Variants in PNKD observed in about 807,000 individuals in gnomAD.
PNKD encodes PNKD metallo-beta-lactamase domain containing.
Under a neutral mutation model 45.3 loss-of-function variants are expected in PNKD, and 36 were observed. The observed-to-expected ratio is 0.80, with a 90% confidence interval of 0.61 to 1.05. The LOEUF is 1.05. Among genes scored for constraint, PNKD ranks in the 50% least tolerant of loss-of-function variants. The pLI is 0.00. For synonymous variants in PNKD, 197 were observed against 210.1 expected (o/e 0.94, Z 0.54); for missense variants, 511 against 506.6 (o/e 1.01, Z -0.08).
chr2:218,316,703 A>G (rs1175047888), intron 2 of PNKD: 3 of 152,184 alleles, frequency 2.0e-5, no homozygotes, highest in Admixed American at 2.0e-4. Flanking sequence ...AAAGGAAATG[A>G]CGTTGGGGCT....
At chr2:218,304,945 C>T (rs551460048) in intron 2 of PNKD, among the ~76,000 whole-genome samples, 1 of 152,148 alleles carries the variant, frequency 6.6e-6, no homozygotes, top group African/African-American at 2.4e-5. Context: ...TGGTGGCGGG[C>T]ACCTGTAGTC....
Position 218,344,985 on chromosome 2 carries a change from C to A in PNKD, c.*4C>A. ...GGATATGCACAAGAGCAAGTGATGCCCCCAGCGCCCCCAGCCCAGCCCACT... is the reference window on the plus strand; with the variant it reads ...GGATATGCACAAGAGCAAGTGATGCACCCAGCGCCCCCAGCCCAGCCCACT... On this transcript the variant is annotated 3_prime_UTR_variant, in exon 10 of 10. Transcript: ENST00000273077. 6.2e-7 allele frequency: 1 copy of A among 1,608,112 alleles called. No individual in the cohort carries two copies.
chr2:218,285,017 G>A (rs56109829), intron 2 of PNKD, among the ~76,000 whole-genome samples: 70,028 of 152,062 alleles, frequency 0.46, 18,313 homozygotes, highest in South Asian at 0.63. Context: ...TTCAACCTGG[G>A]AGGCGGAGAT....
chr2:218,281,221 C>A (rs1460939719), intron 2 of PNKD, among the ~76,000 whole-genome samples: 1 of 148,118 alleles, frequency 6.8e-6, no homozygotes, highest in Non-Finnish European at 1.5e-5. Flanking sequence ...GCAACCTCCA[C>A]CTCCTGGGAT....
intron 2 of PNKD, among the ~76,000 whole-genome samples, chr2:218,321,623 CTTTTTTT>C (rs35315674): frequency 2.1e-5 from 2 of 93,830 alleles, no homozygotes; most frequent in Non-Finnish European, 4.1e-5. Context: ...GTGAGCTTGA[CTTTTTTT>C]TTTTTTTTTT....
At chr2:218,275,081 G>A (rs1691062185) in intron 2 of PNKD, 1 of 159,658 alleles carries the variant, frequency 6.3e-6, no homozygotes, top group South Asian at 2.0e-4. Context: ...AGAAGCCTGT[G>A]ACAGAGGTGG....
At chr2:218,318,830 AAT>A (rs1693891086) in intron 2 of PNKD, among the ~76,000 whole-genome samples, 2 of 152,124 alleles carry the variant, frequency 1.3e-5, no homozygotes, top group African/African-American at 4.8e-5. Context: ...TAATATTAGT[AAT>A]AGAGTAGAGA....
intron 2 of PNKD, among the ~76,000 whole-genome samples, chr2:218,276,647 G>A (rs1012581668): frequency 6.7e-6 from 1 of 148,418 alleles, no homozygotes; most frequent in East Asian, 2.0e-4. Flanking sequence ...AGAGACCCCC[G>A]CAAGGTCCCT....
At chr2:218,271,913 T>C (rs1236360785) in intron 2 of PNKD, among the ~76,000 whole-genome samples, 2 of 152,220 alleles carry the variant, frequency 1.3e-5, no homozygotes, top group Non-Finnish European at 1.5e-5. Context: ...AACATTGTGA[T>C]TGGGCTCTGA....
chr2:218,340,011 G>T lies in PNKD; in HGVS notation c.353-18G>T. The stretch of plus-strand genomic sequence containing the variant: ...CTCCCTGCCTGTTACCCCGCCCACA[G>T]CCCATCTCTGTCCCCAGGAGTGAAG... On this transcript the variant is annotated intron_variant, in intron 3 of 9. Coordinates refer to ENST00000273077, the MANE Select transcript of PNKD (RefSeq NM_015488.5). The surrounding 1 kb of genome is among the most constrained non-coding windows in gnomAD (Gnocchi z 4.2). 6.4e-7 allele frequency: 1 copy of T among 1,571,522 alleles called. No homozygotes were observed. Among genetic ancestry groups the T allele is most frequent in the Non-Finnish European group, 8.8e-7 (1 of 1,141,386 alleles).
chr2:218,299,847 C>A (rs1295906578), intron 2 of PNKD, among the ~76,000 whole-genome samples: 1 of 152,064 alleles, frequency 6.6e-6, no homozygotes, highest in East Asian at 1.9e-4. Context: ...TCTCGAACTC[C>A]TGACCTCAGG....
chr2:218,281,384 G>GC (rs1315831045), intron 2 of PNKD, among the ~76,000 whole-genome samples: 1 of 151,704 alleles, frequency 6.6e-6, no homozygotes, highest in Non-Finnish European at 1.5e-5. Context: ...TGATCTGCTC[G>GC]CCTCAGCCTC....
chr2:218,339,654 TGA>T, intron 2 of PNKD, 127 bp from the exon 3 acceptor site: 2 of 711,486 alleles, frequency 2.8e-6, no homozygotes, highest in South Asian at 1.5e-5. Context: ...ACATAATAAG[TGA>T]GAGTGGAATT....
chr2:218,338,224 G>A (rs1694557809), intron 2 of PNKD, among the ~76,000 whole-genome samples: 1 of 151,856 alleles, frequency 6.6e-6, no homozygotes, highest in Non-Finnish European at 1.5e-5. Flanking sequence ...ACTTTGAAAG[G>A]CCGAGGCAGG....
intron 2 of PNKD, among the ~76,000 whole-genome samples, chr2:218,272,228 C>T (rs1690866613): frequency 6.6e-6 from 1 of 151,844 alleles, no homozygotes; most frequent in African/African-American, 2.4e-5. Context: ...TCAGGGCTGC[C>T]TGGAAAATCC....
chr2:218,277,647 C>A, intron 2 of PNKD: 1 of 1,614,116 alleles, frequency 6.2e-7, no homozygotes, highest in Non-Finnish European at 8.5e-7. Context: ...AAATGGTGCC[C>A]GTCATGAAGC....
intron 2 of PNKD, among the ~76,000 whole-genome samples, chr2:218,281,737 G>A (rs77010107): frequency 3.3e-5 from 5 of 152,204 alleles, no homozygotes; most frequent in Non-Finnish European, 4.4e-5. Flanking sequence ...TTGAACAAAG[G>A]GGGCAGCAAG....
At position 218,344,807 on chromosome 2, in the gene PNKD, G is replaced by A. The variant is rs1694783221; in HGVS notation, c.985-1G>A. 3 of 1,613,824 alleles carry A rather than the reference G, an allele frequency of 1.9e-6. No individual in the cohort carries two copies. The East Asian group carries it at 6.7e-5, about 36-fold the overall frequency. ...CCAAACCTGGTTCCTCTCACCCACA[G>A]TGCCCATCTACCCTGGGAGAGGAGC... On this transcript the variant is annotated splice_acceptor_variant, in intron 9 of 9. Transcript: ENST00000273077. LOFTEE classifies it high-confidence loss of function.
At chr2:218,323,197 CG>C (rs1349490364) in intron 2 of PNKD, 15 of 1,386,558 alleles carry the variant, frequency 1.1e-5, no homozygotes, top group Middle Eastern at 2.6e-4. Flanking sequence ...AGGTTCCCCG[CG>C]GGGGGCCGGG....
Sources: gnomAD v4.1 joint callset for allele counts (sites outside exome capture counted in the v4.1 genomes callset) on GRCh38, gnomAD v4.1.1 for gene constraint, Gnocchi (gnomAD v3.1) non-coding constraint, MANE v1.5 for transcripts, NCBI Gene and HGNC (gene_info 2026-07-23, HGNC 2026-07-21) for gene names.